GPM6B: variants seen among roughly 807,000 people sequenced by gnomAD.
GPM6B encodes neuronal membrane glycoprotein M6-b.
A neutral mutation model predicts 27.2 loss-of-function variants in GPM6B; 4 were observed. That is an observed-to-expected ratio of 0.15 (90% confidence interval 0.07 to 0.34). GPM6B has a LOEUF of 0.34. Ranked by LOEUF, GPM6B falls within the 10% of genes least tolerant of loss-of-function variation. The probability of loss-of-function intolerance (pLI) is 1.00; values close to 1 mark genes in which losing one functional copy is unlikely to be tolerated. For missense variants in GPM6B, 183 were observed against 261.9 expected (o/e 0.70, Z 2.08); for synonymous variants, 124 against 103.1 (o/e 1.20, Z -1.23).
chrX:13,871,114 C>CAAAACAAAAA (rs1331201370), intron 1 of GPM6B, among the ~76,000 whole-genome samples: 5 of 95,159 alleles, frequency 5.3e-5, no homozygotes, highest in South Asian at 5.5e-4. Context: ...CAAAACAAAA[C>CAAAACAAAAA]AAAAAAAAAA....
chrX:13,824,224 A>G (rs1432123379), intron 1 of GPM6B, among the ~76,000 whole-genome samples: 6 of 112,025 alleles, frequency 5.4e-5, no homozygotes, highest in Non-Finnish European at 1.1e-4. Flanking sequence ...AACACTGCCA[A>G]GTGTCTCCTG....
chrX:13,925,474 G>C (rs1282732316), intron 1 of GPM6B, among the ~76,000 whole-genome samples: 3 of 99,258 alleles, frequency 3.0e-5, no homozygotes, highest in Non-Finnish European at 6.0e-5. Flanking sequence ...CTACAGGCAG[G>C]CACCACCATG....
chrX:13,800,484 A>G (rs1437114101), intron 2 of GPM6B, among the ~76,000 whole-genome samples: 1 of 112,694 alleles, frequency 8.9e-6, no homozygotes, highest in African/African-American at 3.2e-5. Context: ...ATGTTTGCCT[A>G]CAGCTTTACA....
intron 2 of GPM6B, among the ~76,000 whole-genome samples, chrX:13,796,701 T>C (rs113287249): frequency 2.7e-5 from 3 of 112,711 alleles, no homozygotes; most frequent in African/African-American, 9.7e-5. Context: ...TTTTAGAAGC[T>C]TGTCCTAAAA....
rs142632459 is a variant in GPM6B, at chrX:13,772,912, C to T, written c.956G>A (p.Arg319Gln). ...GTAAGAATTGAGTTGTTCTTTTGAC[C>T]GAGACTGGATATCTTGCAGTTCCTG... ...EEQELQDIQS[R>Q]SKEQLNSYT The change falls in exon 8 of 8, where the codon CGG becomes CAG. Residue 319 changes from arginine (R) to glutamine (Q), a missense_variant. By Grantham distance (43) the Arg-to-Gln change is conservative. Transcript: ENST00000316715. 31 of 1,210,122 alleles carry T rather than the reference C, an allele frequency of 2.6e-5. No homozygotes were observed. Among genetic ancestry groups the T allele is most frequent in the Non-Finnish European group, 3.2e-5 (29 of 894,450 alleles).
rs181613357 is a variant in GPM6B, at chrX:13,795,890, T to C, written c.182-10082A>G. On this transcript the variant is annotated intron_variant, in intron 2 of 7. Coordinates refer to ENST00000316715, the MANE Select transcript of GPM6B (RefSeq NM_001001995.3). Reference sequence around the variant, plus strand: ...GCCTCAGCCTCCCAAATAGCTGGAATTAAGGCACATGCTGCCATGCCTGGC... The same window carrying C: ...GCCTCAGCCTCCCAAATAGCTGGAACTAAGGCACATGCTGCCATGCCTGGC... Among the ~76,000 whole-genome samples the C allele has an allele frequency of 1.9e-3, 207 of 109,871 alleles. 1 individual carries two copies. The highest frequency in any genetic ancestry group is 6.1e-3 in the African/African-American group (185 of 30,216).
chrX:13,819,927 C>T (rs780308474), upstream of GPM6B, among the ~76,000 whole-genome samples: 12 of 110,936 alleles, frequency 1.1e-4, no homozygotes, highest in South Asian at 1.5e-3. Context: ...GAAAGAGGAA[C>T]GGAAAGAGTT....
At chrX:13,874,685 G>A (rs1032149137) in intron 1 of GPM6B, among the ~76,000 whole-genome samples, 1 of 111,346 alleles carries the variant, frequency 9.0e-6, no homozygotes, top group African/African-American at 3.3e-5. Flanking sequence ...ACTCCAGCCT[G>A]GGTGACAGAG....
In GPM6B at chrX:13,777,136, T is replaced by C. The variant is rs148191063; in HGVS notation, c.771+216A>G. On this transcript the variant is annotated intron_variant, in intron 6 of 7. Coordinates refer to ENST00000316715, the MANE Select transcript of GPM6B (RefSeq NM_001001995.3). ...GGAAAAGCCCTCCACTTCTTAAGGA[T>C]TCTCACCAAATGTGTTGGACCATAT... 2.7e-5 allele frequency among the ~76,000 whole-genome samples: 3 copies of C among 111,915 alleles called. No individual in the cohort carries two copies. The East Asian group carries it at 8.4e-4, about 31-fold the overall frequency.
At chrX:13,821,658 G>A (rs909344628), upstream of GPM6B, among the ~76,000 whole-genome samples, 2 of 111,657 alleles carry the variant, frequency 1.8e-5, no homozygotes, top group Non-Finnish European at 3.8e-5. Flanking sequence ...GTGCAATGGC[G>A]TGATCTCGGC....
intron 1 of GPM6B, among the ~76,000 whole-genome samples, chrX:13,930,923 C>T (rs972280454): frequency 2.7e-5 from 3 of 112,250 alleles, no homozygotes; most frequent in African/African-American, 9.7e-5. Flanking sequence ...GTGGCTCACA[C>T]CTTTAATCCC....
At chrX:13,864,514 C>T (rs762181924) in intron 1 of GPM6B, among the ~76,000 whole-genome samples, 3 of 112,961 alleles carry the variant, frequency 2.7e-5, no homozygotes, top group Admixed American at 9.3e-5. Context: ...GTAGCTCTGA[C>T]TTCAGCATAT....
chrX:13,841,932 T>C (rs1222278921), intron 1 of GPM6B, among the ~76,000 whole-genome samples: 2 of 111,974 alleles, frequency 1.8e-5, no homozygotes, highest in Non-Finnish European at 3.8e-5. Flanking sequence ...TTCGATTTGT[T>C]CTAATTCTAT....
At chrX:13,878,646 T>C (rs1224176251) in intron 1 of GPM6B, among the ~76,000 whole-genome samples, 1 of 111,718 alleles carries the variant, frequency 9.0e-6, no homozygotes, top group Non-Finnish European at 1.9e-5. Context: ...CACCCCAAGA[T>C]GTCCACATCC....
In GPM6B at chrX:13,897,743, A is replaced by G. The variant is rs1416275718; in HGVS notation, c.-198+40584T>C. The stretch of plus-strand genomic sequence containing the variant: ...AAAGGAATGTCCCAAGTTTGTTCCA[A>G]AAATGTCCAGATGGGCTCGCTCGAA... On this transcript the variant is annotated intron_variant, in intron 1 of 6. Coordinates refer to the GPM6B transcript ENST00000398361. 3.6e-5 allele frequency among the ~76,000 whole-genome samples: 4 copies of G among 111,597 alleles called. No homozygotes were observed. In the South Asian group the frequency reaches 1.5e-3, roughly 42 times the overall value.
intron 1 of GPM6B, among the ~76,000 whole-genome samples, chrX:13,827,121 C>T (rs1054599944): frequency 2.0e-4 from 22 of 110,153 alleles, no homozygotes; most frequent in Admixed American, 5.8e-4. Flanking sequence ...TGGTGGAACC[C>T]GGGGTGCTCT....
At chrX:13,800,871 T>G (rs999592010) in intron 2 of GPM6B, among the ~76,000 whole-genome samples, 1 of 109,808 alleles carries the variant, frequency 9.1e-6, no homozygotes, top group Non-Finnish European at 1.9e-5. Context: ...GATCGGGTCT[T>G]GCTATGTTGC....
At chrX:13,891,982 G>C (rs778555707) in intron 1 of GPM6B, among the ~76,000 whole-genome samples, 11 of 111,847 alleles carry the variant, frequency 9.8e-5, no homozygotes, top group Non-Finnish European at 2.1e-4. Context: ...GCAGCCTTGT[G>C]AAAGTCCACA....
At chrX:13,855,626 G>A (rs2049771713) in intron 1 of GPM6B, among the ~76,000 whole-genome samples, 1 of 111,973 alleles carries the variant, frequency 8.9e-6, no homozygotes, top group Admixed American at 9.5e-5. Flanking sequence ...CAAAATTGCT[G>A]AATAATCAGT....
Sources: gnomAD v4.1 joint callset for allele counts (sites outside exome capture counted in the v4.1 genomes callset) on GRCh38, gnomAD v4.1.1 for gene constraint, MANE v1.5 for transcripts, NCBI Gene and HGNC (gene_info 2026-07-23, HGNC 2026-07-21) for gene names.